Variants in KLF12 observed in about 807,000 individuals in gnomAD.
KLF12 encodes KLF transcription factor 12, also known as Krueppel-like factor 12.
Under a neutral mutation model 37.8 loss-of-function variants are expected in KLF12, and 9 were observed. That is an observed-to-expected ratio of 0.24 (90% CI 0.14 to 0.42). The LOEUF is 0.42. KLF12 is among the 10% of genes least tolerant of loss of function. The probability of loss-of-function intolerance (pLI) is 1.00; values close to 1 mark genes in which losing one functional copy is unlikely to be tolerated. For synonymous variants in KLF12, 208 were observed against 202.1 expected, an observed-to-expected ratio of 1.03 and a Z score of -0.25; for missense variants, 411 against 516.0, an observed-to-expected ratio of 0.80 and a Z score of 1.97.
At chr13:73,760,110 T>A (rs1879449620) in intron 6 of KLF12, among the ~76,000 whole-genome samples, 1 of 152,062 alleles carries the variant, frequency 6.6e-6, no homozygotes, top group Non-Finnish European at 1.5e-5. Flanking sequence ...GACACAGAAC[T>A]TTTTCACACC....
chr13:73,710,839 T>C (rs897678121), intron 7 of KLF12, among the ~76,000 whole-genome samples: 27 of 152,304 alleles, frequency 1.8e-4, no homozygotes, highest in Middle Eastern at 3.4e-3. Context: ...CTATAAATGA[T>C]TATGCTTAGC....
chr13:74,226,091 G>T, the KLF12 span, among the ~76,000 whole-genome samples: 1 of 151,950 alleles, frequency 6.6e-6, no homozygotes, highest in Non-Finnish European at 1.5e-5. Context: ...GCAGATAAAT[G>T]GTGGAAATAG....
rs138579243 is a variant in KLF12 at position 73,923,467 on chromosome 13, A to C, written c.123+20514T>G. On this transcript the variant is annotated intron_variant, in intron 3 of 7. Transcript: ENST00000377669. ...ATGTATCTACTAAGCAATTTCAGCT[A>C]CTAAAAATTTCTCAGACGTCTCCAG... 1.2e-4 allele frequency among the ~76,000 whole-genome samples: 19 copies of C among 152,326 alleles called. 1 individual carries two copies. The East Asian group carries it at 3.5e-3, about 28-fold the overall frequency.
At chr13:73,733,190 T>C (rs1877199797) in intron 6 of KLF12, among the ~76,000 whole-genome samples, 1 of 152,166 alleles carries the variant, frequency 6.6e-6, no homozygotes, top group Admixed American at 6.5e-5. Flanking sequence ...TTTTTAAGTG[T>C]ACAATTCAGT....
the KLF12 span, among the ~76,000 whole-genome samples, chr13:74,240,177 T>G: frequency 4.7e-4 from 72 of 152,132 alleles, no homozygotes; most frequent in Admixed American, 1.6e-3. Context: ...TGTCTGTAAA[T>G]TATTTTATTT....
chr13:73,952,664 G>C (rs1890688358), intron 2 of KLF12, among the ~76,000 whole-genome samples: 1 of 152,212 alleles, frequency 6.6e-6, no homozygotes, highest in South Asian at 2.1e-4. Context: ...AAGTGAACAA[G>C]ACGGAAAGGC....
At chr13:74,277,491 A>G in the KLF12 span, among the ~76,000 whole-genome samples, 2 of 152,180 alleles carry the variant, frequency 1.3e-5, no homozygotes, top group African/African-American at 4.8e-5. Flanking sequence ...TAGACTAGAT[A>G]CTCAGAATAC....
At chr13:73,785,923 C>T (rs553543881) in intron 5 of KLF12, among the ~76,000 whole-genome samples, 3 of 152,274 alleles carry the variant, frequency 2.0e-5, no homozygotes, top group Non-Finnish European at 2.9e-5. Context: ...CTTCCAGCCC[C>T]CTGTCTTTTG....
the KLF12 span, among the ~76,000 whole-genome samples, chr13:74,203,716 G>C: frequency 2.0e-5 from 3 of 152,084 alleles, no homozygotes; most frequent in African/African-American, 7.2e-5. Flanking sequence ...CAGGGCACAA[G>C]AAATTAATTA....
intron 3 of KLF12, among the ~76,000 whole-genome samples, chr13:73,905,756 T>A (rs544814487): frequency 1.3e-5 from 2 of 152,062 alleles, no homozygotes; most frequent in East Asian, 3.9e-4. Flanking sequence ...TTTTTTCACA[T>A]GAAACATCCA....
chr13:73,750,563 T>G (rs1408331877), intron 6 of KLF12, among the ~76,000 whole-genome samples: 2 of 152,090 alleles, frequency 1.3e-5, no homozygotes, highest in African/African-American at 4.8e-5. Context: ...TATGGTGGCA[T>G]TGGATCAGAG....
In KLF12 at chr13:73,846,391, G is replaced by A; in HGVS notation, c.124-18C>T. 1 of 1,590,632 alleles carries A rather than the reference G, an allele frequency of 6.3e-7. No homozygotes were observed. Among genetic ancestry groups the A allele is most frequent in the Non-Finnish European group, 8.6e-7 (1 of 1,167,814 alleles). ...TTTGGAGACTGTGGGGAGAAAAATG[G>A]AACATATATTTATCTTTGTTTATCA... On this transcript the variant is annotated intron_variant, in intron 3 of 7. Transcript: ENST00000377669.
chr13:73,955,348 GT>G (rs1282052886), intron 2 of KLF12, among the ~76,000 whole-genome samples: 2 of 152,056 alleles, frequency 1.3e-5, no homozygotes, highest in Non-Finnish European at 2.9e-5. Flanking sequence ...AAACAGAAAT[GT>G]TAAGAGTTGT....
chr13:74,006,695 A>C (rs927552695), intron 1 of KLF12, among the ~76,000 whole-genome samples: 4 of 152,204 alleles, frequency 2.6e-5, no homozygotes, highest in African/African-American at 9.6e-5. Flanking sequence ...GTCAGAAGTC[A>C]TCAGCAACCA....
chr13:73,814,152 G>A (rs190155200), intron 4 of KLF12, among the ~76,000 whole-genome samples: 9 of 152,210 alleles, frequency 5.9e-5, no homozygotes, highest in South Asian at 2.1e-4. Flanking sequence ...CTCGCTTCAC[G>A]CACAAACTAG....
the KLF12 span, among the ~76,000 whole-genome samples, chr13:74,144,177 C>T: frequency 6.6e-6 from 1 of 152,164 alleles, no homozygotes; most frequent in South Asian, 2.1e-4. Context: ...TGTGAATTCC[C>T]ATTGCATACA....
At chr13:73,975,122 A>T (rs1593797811) in intron 2 of KLF12, among the ~76,000 whole-genome samples, 1 of 152,324 alleles carries the variant, frequency 6.6e-6, no homozygotes, top group East Asian at 1.9e-4. Context: ...CTAACTAAAT[A>T]TTGAGTATGT....
chr13:73,732,304 G>A (rs1467222578), intron 6 of KLF12, among the ~76,000 whole-genome samples: 2 of 151,856 alleles, frequency 1.3e-5, no homozygotes, highest in East Asian at 3.9e-4. Context: ...TGGCCATGCT[G>A]GTCGCAAACT....
At chr13:73,778,433 C>T (rs1375001736) in intron 5 of KLF12, among the ~76,000 whole-genome samples, 2 of 152,286 alleles carry the variant, frequency 1.3e-5, no homozygotes, top group East Asian at 1.9e-4. Context: ...GCAATCACGG[C>T]TCTGCAGCCT....
Sources: allele counts gnomAD v4.1 joint callset (sites outside exome capture counted in the v4.1 genomes callset), GRCh38; gene constraint gnomAD v4.1.1; transcripts MANE v1.5; gene names NCBI Gene and HGNC (gene_info 2026-07-23, HGNC 2026-07-21).